SCAMP1: variants seen among roughly 807,000 people sequenced by gnomAD.
SCAMP1 encodes secretory carrier-associated membrane protein 1.
A neutral mutation model predicts 41.8 loss-of-function variants in SCAMP1; 15 were observed. That is an observed-to-expected ratio of 0.36 (90% confidence interval 0.24 to 0.55). The LOEUF (loss-of-function observed/expected upper bound fraction) is 0.55, where lower values mean the gene tolerates loss of function less well. Ranked by LOEUF, SCAMP1 falls within the 20% of genes least tolerant of loss-of-function variation. SCAMP1 has a pLI of 0.86. For missense variants in SCAMP1, 341 were observed against 412.6 expected (o/e 0.83, Z 1.50); for synonymous variants, 135 against 136.8 (o/e 0.99, Z 0.09).
At chr5:78,416,492 T>C in intron 3 of SCAMP1, 49 bp from the exon 4 acceptor site, 1 of 1,365,290 alleles carries the variant, frequency 7.3e-7, no homozygotes. Flanking sequence ...AATGTTAAAG[T>C]ATTTTATACT....
rs772536603 is a variant in SCAMP1 at position 78,384,171 on chromosome 5, G to GTTTTTTTTTTTTTTTTTTT, written c.58-4658_58-4657insTTTTTTTTTTTTTTTTTTT. Reference sequence around the variant, plus strand: ...CCTCTTTGGTTAGGTATATTCCCAAGTTTTTTTTCTTTTTTTTTTTTTGCA... The same window carrying GTTTTTTTTTTTTTTTTTTT: ...CCTCTTTGGTTAGGTATATTCCCAAGTTTTTTTTTTTTTTTTTTTTTTTTTTTCTTTTTTTTTTTTTGCA... On this transcript the variant is annotated intron_variant, in intron 1 of 8. Coordinates refer to ENST00000621999, the MANE Select transcript of SCAMP1 (RefSeq NM_004866.6). 2.9e-5 allele frequency among the ~76,000 whole-genome samples: 2 copies of GTTTTTTTTTTTTTTTTTTT among 68,852 alleles called. 1 individual carries two copies. 45.2% of individuals were successfully genotyped at this position (68,852 alleles called of 152,430 possible). A position where few individuals can be genotyped will look rare whatever the true frequency, so the allele number is the denominator to read the frequency against.
At position 78,360,794 on chromosome 5, in the gene SCAMP1, C is replaced by G. The variant is rs570995137; in HGVS notation, c.57+66C>G. Reference sequence around the variant, plus strand: ...CGTTGTTTGTGAAAACGGACGAGTTCCTTCGCGCCCACTGCGTCTGCCCCT... The same window carrying G: ...CGTTGTTTGTGAAAACGGACGAGTTGCTTCGCGCCCACTGCGTCTGCCCCT... On this transcript the variant is annotated intron_variant, in intron 1 of 8. Transcript: ENST00000621999. 10 of 1,471,396 alleles carry G rather than the reference C, an allele frequency of 6.8e-6. No individual in the cohort carries two copies. The Admixed American group carries it at 9.5e-5, about 14-fold the overall frequency. The allele number at this position is 1,471,396 out of a possible 1,614,324, so 91.1% of individuals were successfully genotyped here. A position where few individuals can be genotyped will look rare whatever the true frequency, so the allele number is the denominator to read the frequency against.
rs762742111 is a variant in SCAMP1, at chr5:78,438,488, G to T, written c.633-11445G>T. On this transcript the variant is annotated intron_variant, in intron 6 of 8. Transcript: ENST00000621999. ...CGTTTTTTACCCCATAGTCATTCAG[G>T]AGCAGGTTGTTCAGTTTCCATGTAG... Among the ~76,000 whole-genome samples, 101 of 152,254 alleles carry T rather than the reference G, an allele frequency of 6.6e-4. 1 individual carries two copies. The highest frequency in any genetic ancestry group is 3.4e-3 in the Middle Eastern group (1 of 294).
At chr5:78,456,458 G>C (rs1434352165) in intron 7 of SCAMP1, among the ~76,000 whole-genome samples, 2 of 151,840 alleles carry the variant, frequency 1.3e-5, no homozygotes, top group East Asian at 3.9e-4. Context: ...TAGTTTGGCT[G>C]GATATGAAAT....
In SCAMP1 at chr5:78,409,602, C is replaced by G. The variant is rs368952336; in HGVS notation, c.136-5918C>G. 2.6e-5 allele frequency among the ~76,000 whole-genome samples: 4 copies of G among 152,222 alleles called. No individual in the cohort carries two copies. In the East Asian group the frequency reaches 7.7e-4, roughly 29 times the overall value. The stretch of plus-strand genomic sequence containing the variant: ...CACTATGTTGTGGCTGAAGAAAATA[C>G]TGGGTCTTTAACATCTACAGATGTG... On this transcript the variant is annotated intron_variant, in intron 2 of 8. Coordinates refer to ENST00000621999, the MANE Select transcript of SCAMP1 (RefSeq NM_004866.6).
chr5:78,451,544 G>T (rs1017947573), intron 7 of SCAMP1, among the ~76,000 whole-genome samples: 2 of 152,132 alleles, frequency 1.3e-5, no homozygotes, highest in African/African-American at 4.8e-5. Context: ...TTTCAAGAAG[G>T]TTATAGATGT....
chr5:78,421,609 G>A (rs1050262272), intron 5 of SCAMP1, among the ~76,000 whole-genome samples, 192 bp from the exon 6 acceptor site: 3 of 152,104 alleles, frequency 2.0e-5, no homozygotes, highest in African/African-American at 4.8e-5. Context: ...ATTAAGACTC[G>A]CTTTCCTGTG....
intron 8 of SCAMP1, among the ~76,000 whole-genome samples, chr5:78,464,424 A>T (rs1753691797): frequency 6.6e-6 from 1 of 152,174 alleles, no homozygotes; most frequent in African/African-American, 2.4e-5. Flanking sequence ...ACGCACAGCC[A>T]CTTCCATTAC....
At chr5:78,403,790 AC>A (rs1355382350) in intron 2 of SCAMP1, among the ~76,000 whole-genome samples, 1 of 149,310 alleles carries the variant, frequency 6.7e-6, no homozygotes, top group Non-Finnish European at 1.5e-5. Context: ...ACATGGTGAA[AC>A]CCTGTCTCTA....
rs779428769 is a variant in SCAMP1 at position 78,360,708 on chromosome 5, G to A, written c.37G>A (p.Asp13Asn). 1 of 1,610,580 alleles carries A rather than the reference G, an allele frequency of 6.2e-7. No individual in the cohort carries two copies. The highest frequency in any genetic ancestry group is 8.5e-7 in the Non-Finnish European group (1 of 1,178,638). Residue 13 changes from aspartate to asparagine, a missense_variant, in exon 1 of 9, where the codon GAT becomes AAT. Transcript: ENST00000621999. ...CGACAGTAACCCGTTTGCCGACCCG[G>A]ATCTCAACAATCCCTTCAAGGTGAG... ...DFDSNPFADP[D>N]LNNPFKDPSV...
chr5:78,382,280 CT>C (rs1452259393), intron 1 of SCAMP1, among the ~76,000 whole-genome samples: 1 of 152,100 alleles, frequency 6.6e-6, no homozygotes, highest in Non-Finnish European at 1.5e-5. Flanking sequence ...ATGTAGTTGA[CT>C]TTTGTTGATG....
At chr5:78,426,411 G>A (rs1331222346) in intron 6 of SCAMP1, among the ~76,000 whole-genome samples, 7 of 152,160 alleles carry the variant, frequency 4.6e-5, no homozygotes, top group Non-Finnish European at 1.0e-4. Flanking sequence ...ACTCCCAACA[G>A]TGTAAAAGCG....
chr5:78,371,028 A>G (rs965692431), intron 1 of SCAMP1, among the ~76,000 whole-genome samples: 1 of 151,910 alleles, frequency 6.6e-6, no homozygotes, highest in Non-Finnish European at 1.5e-5. Context: ...TGTCTTTTTT[A>G]TTATTGAGTT....
chr5:78,400,831 C>CT (rs752985991), intron 2 of SCAMP1, among the ~76,000 whole-genome samples: 3 of 151,672 alleles, frequency 2.0e-5, no homozygotes, highest in Non-Finnish European at 2.9e-5. Context: ...ATCTTCATAC[C>CT]TTTTTTTTGG....
At chr5:78,473,703 C>A (rs772978288) in intron 8 of SCAMP1, among the ~76,000 whole-genome samples, 3 of 152,114 alleles carry the variant, frequency 2.0e-5, no homozygotes, top group Non-Finnish European at 4.4e-5. Flanking sequence ...GTTTAGCTCC[C>A]ACTTAAAAGT....
At chr5:78,426,045 T>G (rs1752462212) in intron 6 of SCAMP1, among the ~76,000 whole-genome samples, 1 of 151,206 alleles carries the variant, frequency 6.6e-6, no homozygotes, top group East Asian at 2.0e-4. Context: ...ACATGAGGTG[T>G]TTGGTTTTCT....
chr5:78,431,473 A>G (rs1052920457), intron 6 of SCAMP1, among the ~76,000 whole-genome samples: 3 of 142,774 alleles, frequency 2.1e-5, no homozygotes, highest in Non-Finnish European at 4.6e-5. Flanking sequence ...AAAATCTGTC[A>G]TTTTACCATC....
chr5:78,412,786 G>T (rs1752112609), intron 2 of SCAMP1, among the ~76,000 whole-genome samples: 1 of 151,928 alleles, frequency 6.6e-6, no homozygotes, highest in African/African-American at 2.4e-5. Flanking sequence ...ATATATTCTG[G>T]GTAGCAATTT....
At chr5:78,388,058 A>G (rs1185162463) in intron 1 of SCAMP1, among the ~76,000 whole-genome samples, 1 of 152,218 alleles carries the variant, frequency 6.6e-6, no homozygotes, top group Non-Finnish European at 1.5e-5. Flanking sequence ...TGCAGCAGCA[A>G]TCCACCTTCT....
Sources: gnomAD v4.1 joint callset for allele counts (sites outside exome capture counted in the v4.1 genomes callset) on GRCh38, gnomAD v4.1.1 for gene constraint, MANE v1.5 for transcripts, NCBI Gene and HGNC (gene_info 2026-07-23, HGNC 2026-07-21) for gene names.